ELF2: variants seen among roughly 807,000 people sequenced by gnomAD.
The protein encoded by ELF2 is ETS-related transcription factor Elf-2.
In ELF2, 11 loss-of-function variants were observed where a neutral mutation model predicts 54.8. The ratio of observed to expected loss-of-function variants is 0.20; its 90% confidence interval spans 0.13 to 0.33. ELF2 has a LOEUF of 0.33. Ranked by LOEUF, ELF2 falls within the 10% of genes least tolerant of loss-of-function variation. The pLI is 1.00. For missense variants in ELF2, 513 were observed against 703.0 expected, an observed-to-expected ratio of 0.73 and a Z score of 3.06; for synonymous variants, 203 against 245.1, an observed-to-expected ratio of 0.83 and a Z score of 1.61.
In ELF2 at chr4:139,059,046, C is replaced by G. The variant is rs1466053614; in HGVS notation, c.1719G>C (p.Ala573=). Residue 573 remains alanine, a synonymous_variant, in exon 10 of 10, where the codon GCG becomes GCC. Transcript: ENST00000686138. ...TTACAGGAAGGGCAATAGCTGAAGG[C>G]GCACTGACAACCACTACGTGGGTCA... ...KTVTHVVVVS[A]PSAIALPVTM... 3 of 1,613,786 alleles carry G rather than the reference C, an allele frequency of 1.9e-6. No individual in the cohort carries two copies. The highest frequency in any genetic ancestry group is 1.7e-6 in the Non-Finnish European group (2 of 1,179,844).
At chr4:139,141,102 C>T (rs1738654697) in intron 1 of ELF2, among the ~76,000 whole-genome samples, 1 of 152,126 alleles carries the variant, frequency 6.6e-6, no homozygotes, top group Non-Finnish European at 1.5e-5. Flanking sequence ...TTTCAATTCC[C>T]CCTTGCAGGC....
In ELF2 at chr4:139,151,033, AAAGAAAGAAAGAAAGAAAGAAAG is replaced by A. The variant is rs1293374784; in HGVS notation, c.-251-11559_-251-11537del. Among the ~76,000 whole-genome samples, 138 of 28,922 alleles carry A rather than the reference AAAGAAAGAAAGAAAGAAAGAAAG, an allele frequency of 4.8e-3. 1 individual carries two copies. The highest frequency in any genetic ancestry group is 0.025 in the East Asian group (48 of 1,894). 19.0% of individuals were successfully genotyped at this position (28,922 alleles called of 152,430 possible). A position where few individuals can be genotyped will look rare whatever the true frequency, so the allele number is the denominator to read the frequency against. On this transcript the variant is annotated intron_variant, in intron 1 of 9. Coordinates refer to ENST00000686138, the MANE Select transcript of ELF2 (RefSeq NM_001331036.3). ...AACGAGGCTCCATCTCAAAAAAAAAAAAGAAAGAAAGAAAGAAAGAAAGAAAGAAAGAAAGAAAGAAAGAAAGA... is the reference window on the plus strand; with the variant it reads ...AACGAGGCTCCATCTCAAAAAAAAAAAAAGAAAGAAAGAAAGAAAGAAAGA...
At chr4:139,097,712 A>G (rs1362340758) in intron 4 of ELF2, among the ~76,000 whole-genome samples, 2 of 151,498 alleles carry the variant, frequency 1.3e-5, no homozygotes, top group Non-Finnish European at 2.9e-5. Flanking sequence ...TTTTTGATCC[A>G]CTAATTTTTA....
chr4:139,136,821 C>A (rs537686378), intron 3 of ELF2: 2 of 151,974 alleles, frequency 1.3e-5, no homozygotes, highest in African/African-American at 4.9e-5. Flanking sequence ...CCCGCCACCA[C>A]GCCTGGCTAA....
intron 1 of ELF2, among the ~76,000 whole-genome samples, chr4:139,142,713 G>A (rs1738823576): frequency 6.6e-6 from 1 of 152,054 alleles, no homozygotes; most frequent in Admixed American, 6.6e-5. Flanking sequence ...GACCAGAGTG[G>A]TAGTTCTGGA....
intron 4 of ELF2, among the ~76,000 whole-genome samples, chr4:139,119,782 T>C (rs1438834320): frequency 1.3e-5 from 2 of 152,118 alleles, no homozygotes; most frequent in African/African-American, 4.8e-5. Flanking sequence ...TTTGTTTATC[T>C]GATTGTTTGT....
intron 4 of ELF2, chr4:139,116,722 C>T (rs2148821111): frequency 1.0e-6 from 1 of 985,288 alleles, no homozygotes; most frequent in South Asian, 4.7e-5. Context: ...TTTTCAGATC[C>T]CCAGTTTTTC....
At chr4:139,111,157 A>G (rs565158930) in intron 4 of ELF2, among the ~76,000 whole-genome samples, 1 of 152,300 alleles carries the variant, frequency 6.6e-6, no homozygotes, top group Non-Finnish European at 1.5e-5. Context: ...TCTTTATGGT[A>G]TCTACTATGA....
At chr4:139,105,774 C>A (rs898870015) in intron 4 of ELF2, among the ~76,000 whole-genome samples, 1 of 152,130 alleles carries the variant, frequency 6.6e-6, no homozygotes, top group Admixed American at 6.6e-5. Context: ...CACCTGTAGT[C>A]CCAGCTACTT....
intron 2 of ELF2, among the ~76,000 whole-genome samples, chr4:139,138,374 G>A (rs539529767): frequency 6.6e-6 from 1 of 150,962 alleles, no homozygotes; most frequent in Non-Finnish European, 1.5e-5. Context: ...CCAAGATGGC[G>A]CCACTGCACT....
intron 4 of ELF2, among the ~76,000 whole-genome samples, chr4:139,114,561 T>TCTCACACACACA (rs70940492): frequency 1.8e-5 from 2 of 108,636 alleles, no homozygotes; most frequent in Non-Finnish European, 3.5e-5. Flanking sequence ...GACTTCAGTC[T>TCTCACACACACA]CACACACACA....
intron 6 of ELF2, among the ~76,000 whole-genome samples, chr4:139,071,115 A>G (rs1729447419): frequency 6.6e-6 from 1 of 152,152 alleles, no homozygotes; most frequent in Non-Finnish European, 1.5e-5. Context: ...TTTCAGCAGA[A>G]GTCAAATAGT....
At chr4:139,066,713 A>AC (rs1728760536) in intron 7 of ELF2, 1 of 148,234 alleles carries the variant, frequency 6.7e-6, no homozygotes, top group South Asian at 2.1e-4. Context: ...AAAGCACAAG[A>AC]CCCCCATCTC....
At chr4:139,143,522 TC>T (rs1366576024) in intron 1 of ELF2, among the ~76,000 whole-genome samples, 3 of 152,122 alleles carry the variant, frequency 2.0e-5, no homozygotes, top group African/African-American at 7.2e-5. Context: ...GTGGCTCACA[TC>T]TGTAATCCCT....
At chr4:139,133,310 TTC>T (rs1737743102) in intron 3 of ELF2, among the ~76,000 whole-genome samples, 1 of 152,164 alleles carries the variant, frequency 6.6e-6, no homozygotes, top group Admixed American at 6.5e-5. Context: ...ATTTTCCTCA[TTC>T]TGTTTATTTA....
chr4:139,101,759 C>T (rs538948087), intron 4 of ELF2: 1 of 152,250 alleles, frequency 6.6e-6, no homozygotes, highest in Admixed American at 6.5e-5. Context: ...TGGAGGCCTC[C>T]CTTCCCAGAA....
At chr4:139,060,733 C>T (rs1727713668) in intron 8 of ELF2, 59 bp from the exon 9 acceptor site, 1 of 1,430,936 alleles carries the variant, frequency 7.0e-7, no homozygotes, top group Non-Finnish European at 9.5e-7. Context: ...CCCACTCCAC[C>T]CCCGCCAAAA....
intron 4 of ELF2, among the ~76,000 whole-genome samples, chr4:139,104,969 T>G (rs1446383293): frequency 1.3e-5 from 2 of 152,218 alleles, no homozygotes; most frequent in Non-Finnish European, 1.5e-5. Flanking sequence ...CGCAACTTAG[T>G]AAGCTTCTTT....
chr4:139,120,893 T>C (rs1315659173), intron 4 of ELF2, among the ~76,000 whole-genome samples: 1 of 152,120 alleles, frequency 6.6e-6, no homozygotes, highest in Non-Finnish European at 1.5e-5. Flanking sequence ...AGTCTACCCA[T>C]TTATTAATTA....
Sources: allele counts gnomAD v4.1 joint callset (sites outside exome capture counted in the v4.1 genomes callset), GRCh38; gene constraint gnomAD v4.1.1; transcripts MANE v1.5; gene names NCBI Gene and HGNC (gene_info 2026-07-23, HGNC 2026-07-21).